ITCH: variants seen among roughly 807,000 people sequenced by gnomAD.
ITCH encodes itchy E3 ubiquitin protein ligase.
In ITCH, 28 loss-of-function variants were observed where a neutral mutation model predicts 126.8. That is an observed-to-expected ratio of 0.22 (90% confidence interval 0.16 to 0.30). ITCH has a LOEUF of 0.30. ITCH is among the 10% of genes least tolerant of loss of function. The pLI, the probability that ITCH is intolerant of heterozygous loss-of-function variation, is 1.00. For synonymous variants in ITCH, 342 were observed against 340.0 expected, an observed-to-expected ratio of 1.01 and a Z score of -0.06; for missense variants, 631 against 1,032.4, an observed-to-expected ratio of 0.61 and a Z score of 5.33.
chr20:34,484,520 C>T (rs1988976325), intron 20 of ITCH, among the ~76,000 whole-genome samples: 1 of 152,122 alleles, frequency 6.6e-6, no homozygotes, highest in African/African-American at 2.4e-5. Flanking sequence ...TTTCTTATGA[C>T]ATATATAGCA....
rs1215575228 is a variant in ITCH, at chr20:34,510,907, A to G, written c.*3113A>G. On this transcript the variant is annotated 3_prime_UTR_variant, in exon 25 of 25. Transcript: ENST00000374864. ...AGAAATTTTAGTGAAACTTGACTCA[A>G]CTATACACAAAGTTCTCATCCTAAA... The G allele has an allele frequency of 1.3e-5, 2 of 152,174 alleles. No individual in the cohort carries two copies. The highest frequency in any genetic ancestry group is 4.8e-5 in the African/African-American group (2 of 41,442). 9.4% of individuals were successfully genotyped at this position (152,174 alleles called of 1,614,324 possible).
At chr20:34,436,416 A>G (rs1983012294) in intron 7 of ITCH, among the ~76,000 whole-genome samples, 1 of 152,176 alleles carries the variant, frequency 6.6e-6, no homozygotes, top group African/African-American at 2.4e-5. Flanking sequence ...CTTCTTTCAA[A>G]CTAGTTAGGA....
intron 2 of ITCH, among the ~76,000 whole-genome samples, chr20:34,386,983 G>C (rs2038305896): frequency 6.6e-6 from 1 of 152,044 alleles, no homozygotes; most frequent in Admixed American, 6.6e-5. Flanking sequence ...CATTTTTCTA[G>C]TGTAGTAGTA....
chr20:34,387,847 G>C (rs964288298), intron 2 of ITCH, among the ~76,000 whole-genome samples: 5 of 152,016 alleles, frequency 3.3e-5, no homozygotes, highest in African/African-American at 9.7e-5. Context: ...TGGGATTACA[G>C]GTACCTGCCA....
intron 16 of ITCH, among the ~76,000 whole-genome samples, chr20:34,472,302 G>A (rs1046250337): frequency 1.3e-5 from 2 of 150,948 alleles, no homozygotes; most frequent in African/African-American, 4.9e-5. Flanking sequence ...GGGAGGTGGA[G>A]GTTGCAGTGA....
chr20:34,382,437 C>G (rs944636602), intron 2 of ITCH, among the ~76,000 whole-genome samples: 1 of 152,068 alleles, frequency 6.6e-6, no homozygotes, highest in East Asian at 1.9e-4. Context: ...GATGGAGTCT[C>G]GCCTTGTCAC....
intron 2 of ITCH, among the ~76,000 whole-genome samples, chr20:34,377,042 G>A (rs370370996): frequency 3.3e-5 from 5 of 152,002 alleles, no homozygotes; most frequent in African/African-American, 9.7e-5. Flanking sequence ...GATTACATAC[G>A]TTTTCTTACG....
At position 34,423,664 on chromosome 20, in the gene ITCH, C is replaced by T. The variant is rs981392794; in HGVS notation, c.476-816C>T. ...TGTTGCCCAGACTGGAGTGCAATGGCGCGATCTTGGCTCACTGAAATTTCT... is the reference window on the plus strand; with the variant it reads ...TGTTGCCCAGACTGGAGTGCAATGGTGCGATCTTGGCTCACTGAAATTTCT... On this transcript the variant is annotated intron_variant, in intron 6 of 24. Transcript: ENST00000374864. 6.6e-5 allele frequency among the ~76,000 whole-genome samples: 10 copies of T among 152,194 alleles called. No individual in the cohort carries two copies. In the East Asian group the frequency reaches 1.2e-3, roughly 18 times the overall value.
At chr20:34,499,272 C>CTCTTTT (rs1990092141) in intron 23 of ITCH, among the ~76,000 whole-genome samples, 1 of 23,010 alleles carries the variant, frequency 4.3e-5, no homozygotes, top group African/African-American at 1.6e-4. Flanking sequence ...CTGTGCCCAG[C>CTCTTTT]TTTTTTTTTT....
chr20:34,457,791 A>T (rs1222015944), intron 13 of ITCH, among the ~76,000 whole-genome samples: 1 of 152,094 alleles, frequency 6.6e-6, no homozygotes, highest in African/African-American at 2.4e-5. Context: ...CTACAAAAAA[A>T]ATCCCCAAAA....
intron 6 of ITCH, among the ~76,000 whole-genome samples, chr20:34,421,099 T>C (rs4277599): frequency 0.55 from 83,308 of 152,002 alleles, 23,339 homozygotes; most frequent in Admixed American, 0.64. Context: ...TACTTGTGTC[T>C]GTTCACTTTG....
At chr20:34,390,035 C>T (rs534365347) in intron 2 of ITCH, among the ~76,000 whole-genome samples, 15 of 151,838 alleles carry the variant, frequency 9.9e-5, no homozygotes, top group Admixed American at 7.2e-4. Context: ...GCAGGAGAGT[C>T]GCTTGAACCT....
At chr20:34,499,437 A>G (rs959248735) in intron 23 of ITCH, among the ~76,000 whole-genome samples, 15 of 151,044 alleles carry the variant, frequency 9.9e-5, no homozygotes, top group Admixed American at 2.6e-4. Context: ...GGTAGGTTGT[A>G]TGTGTCCAGG....
chr20:34,496,522 A>C (rs1387491868), intron 23 of ITCH, among the ~76,000 whole-genome samples: 3 of 152,140 alleles, frequency 2.0e-5, no homozygotes, highest in Non-Finnish European at 4.4e-5. Context: ...ATCTTGGCTC[A>C]GGGCCAGGTG....
intron 11 of ITCH, among the ~76,000 whole-genome samples, chr20:34,447,088 A>G (rs981478877): frequency 2.0e-5 from 3 of 152,138 alleles, no homozygotes; most frequent in Non-Finnish European, 2.9e-5. Flanking sequence ...TTCTTTTAAA[A>G]GAGAGATTTA....
chr20:34,390,760 C>CT (rs1335084363), intron 2 of ITCH, among the ~76,000 whole-genome samples: 12 of 139,600 alleles, frequency 8.6e-5, no homozygotes, highest in East Asian at 2.1e-4. Context: ...TAGATTTAAT[C>CT]TTTTTTTTTT....
intron 2 of ITCH, among the ~76,000 whole-genome samples, chr20:34,382,033 T>C (rs2038085621): frequency 6.6e-6 from 1 of 152,174 alleles, no homozygotes; most frequent in Non-Finnish European, 1.5e-5. Flanking sequence ...ACAAATAAGA[T>C]GTATGTGGTA....
intron 2 of ITCH, among the ~76,000 whole-genome samples, chr20:34,382,034 G>A (rs1017306496): frequency 1.3e-5 from 2 of 152,156 alleles, no homozygotes; most frequent in African/African-American, 4.8e-5. Context: ...CAAATAAGAT[G>A]TATGTGGTAT....
chr20:34,479,506 C>A, intron 17 of ITCH, 124 bp from the exon 18 acceptor site: 1 of 753,924 alleles, frequency 1.3e-6, no homozygotes. Context: ...CAATAAAAAT[C>A]AACATGAGAT....
Sources: gnomAD v4.1 joint callset for allele counts (sites outside exome capture counted in the v4.1 genomes callset) on GRCh38, gnomAD v4.1.1 for gene constraint, MANE v1.5 for transcripts, NCBI Gene and HGNC (gene_info 2026-07-23, HGNC 2026-07-21) for gene names.